C17orf99: variants seen among roughly 807,000 people sequenced by gnomAD.
C17orf99 encodes chromosome 17 open reading frame 99.
In C17orf99, 18 loss-of-function variants were observed where a neutral mutation model predicts 22.6. The ratio of observed to expected loss-of-function variants is 0.80; its 90% CI spans 0.55 to 1.18. C17orf99 has a LOEUF of 1.18. Ranked by LOEUF, C17orf99 falls within the 50% of genes most tolerant of loss-of-function variation. C17orf99 has a pLI of 0.00. For synonymous variants in C17orf99, 147 were observed against 136.6 expected (o/e 1.08, Z -0.53); for missense variants, 328 against 342.7 (o/e 0.96, Z 0.34).
chr17:78,152,900 G>A (rs2075496339), intron 2 of C17orf99, among the ~76,000 whole-genome samples: 1 of 151,826 alleles, frequency 6.6e-6, no homozygotes, highest in Non-Finnish European at 1.5e-5. Context: ...TGGCCAACAT[G>A]GTGAAACCCC....
intron 3 of C17orf99, 150 bp downstream of exon 3, chr17:78,161,404 A>G: frequency 4.3e-6 from 3 of 697,300 alleles, no homozygotes; most frequent in Non-Finnish European, 7.1e-6. Flanking sequence ...CTCCAAGGCC[A>G]TTCTCAGTCC....
chr17:78,147,623 T>C (rs989030785), intron 2 of C17orf99, among the ~76,000 whole-genome samples: 1 of 152,206 alleles, frequency 6.6e-6, no homozygotes. Flanking sequence ...GACAGTCACC[T>C]CCCTATATTG....
At position 78,161,664 on chromosome 17, in the gene C17orf99, C is replaced by T. The variant is rs143598967; in HGVS notation, c.370+410C>T. 5.1e-3 allele frequency among the ~76,000 whole-genome samples: 770 copies of T among 151,956 alleles called. 3 individuals are homozygous for T. The highest frequency in any genetic ancestry group is 0.017 in the African/African-American group (704 of 41,432). ...TTCGATACCAGCCTGGGCAACATGG[C>T]GAAACCCTGTTCCTACTAAAATTAC... On this transcript the variant is annotated intron_variant, in intron 3 of 4. Coordinates refer to ENST00000340363, the MANE Select transcript of C17orf99 (RefSeq NM_001163075.2).
intron 2 of C17orf99, among the ~76,000 whole-genome samples, chr17:78,153,067 C>T (rs781066155): frequency 1.4e-5 from 2 of 146,660 alleles, no homozygotes; most frequent in Non-Finnish European, 3.0e-5. Context: ...GGAGACAAAG[C>T]AAGAGCCTGT....
intron 2 of C17orf99, chr17:78,158,796 T>C (rs1034397609): frequency 1.2e-5 from 2 of 165,548 alleles, no homozygotes; most frequent in African/African-American, 4.8e-5. Context: ...GTTTAGTTTT[T>C]GTTTGTTTGT....
intron 2 of C17orf99, chr17:78,157,729 A>G (rs1162484170): frequency 1.3e-5 from 6 of 475,038 alleles, no homozygotes; most frequent in South Asian, 8.0e-5. Context: ...CCCGGGAGGC[A>G]GAGCTTGCGG....
At chr17:78,147,305 G>T (rs2075444499) in intron 2 of C17orf99, among the ~76,000 whole-genome samples, 1 of 152,224 alleles carries the variant, frequency 6.6e-6, no homozygotes, top group Non-Finnish European at 1.5e-5. Context: ...GAGGGCTGGG[G>T]AATTCTGGTG....
At chr17:78,164,979 G>A (rs1271732339) in intron 4 of C17orf99, 2 of 1,118,166 alleles carry the variant, frequency 1.8e-6, no homozygotes, top group Non-Finnish European at 2.2e-6. Context: ...AGCAGGGATT[G>A]CAGGGATGAT....
chr17:78,151,038 G>A (rs932414299), intron 2 of C17orf99, among the ~76,000 whole-genome samples: 4 of 151,922 alleles, frequency 2.6e-5, no homozygotes, highest in East Asian at 1.9e-4. Context: ...CAGGAGAATC[G>A]CTTGAACCCG....
At chr17:78,152,220 C>T (rs1026631812) in intron 2 of C17orf99, among the ~76,000 whole-genome samples, 1 of 152,100 alleles carries the variant, frequency 6.6e-6, no homozygotes, top group Non-Finnish European at 1.5e-5. Flanking sequence ...GCTCTGTCAC[C>T]CAGGCTGGAG....
rs1240550818 is a variant in C17orf99, at chr17:78,146,631, C to A, written c.37+187C>A. On this transcript the variant is annotated intron_variant, in intron 1 of 4. Transcript: ENST00000340363. The surrounding 1 kb of genome is among the most constrained non-coding windows in gnomAD (Gnocchi z 5.2). ...CCCCTAAACTTGCTGTATATGTGGT[C>A]CAGGGATTTCTGCACCATTCTGGGC... 1.3e-5 allele frequency among the ~76,000 whole-genome samples: 2 copies of A among 152,054 alleles called. No homozygotes were observed. The highest frequency in any genetic ancestry group is 2.9e-5 in the Non-Finnish European group (2 of 67,990).
rs61377640 is a variant in C17orf99 at position 78,166,155 on chromosome 17, CAAAA to C, written c.*128_*131del. On this transcript the variant is annotated 3_prime_UTR_variant, in exon 5 of 5. Coordinates refer to ENST00000340363, the MANE Select transcript of C17orf99 (RefSeq NM_001163075.2). ...GAGTGTGTTTTAGCTGCTCTTGCCA[CAAAA>C]AAAAAAAAAAAAAAAAAAGGGTAAC... 0.024 allele frequency: 3,527 copies of C among 144,314 alleles called. No homozygotes were observed. Among genetic ancestry groups the C allele is most frequent in the East Asian group, 0.038 (273 of 7,200 alleles). The allele number at this position is 144,314 out of a possible 1,614,324, so 8.9% of individuals were successfully genotyped here. A position where few individuals can be genotyped will look rare whatever the true frequency, so the allele number is the denominator to read the frequency against.
At chr17:78,163,621 C>T (rs768310546) in intron 3 of C17orf99, among the ~76,000 whole-genome samples, 120 of 152,296 alleles carry the variant, frequency 7.9e-4, no homozygotes, top group Non-Finnish European at 7.5e-4. Flanking sequence ...AATCCCAGCA[C>T]TTTGGGAGGC....
intron 2 of C17orf99, among the ~76,000 whole-genome samples, chr17:78,153,028 T>C (rs929863482): frequency 5.3e-5 from 8 of 151,334 alleles, no homozygotes; most frequent in Admixed American, 1.3e-4. Flanking sequence ...TTGCAGTGAA[T>C]TGAGATCGTG....
intron 2 of C17orf99, among the ~76,000 whole-genome samples, chr17:78,159,571 G>A (rs527690848): frequency 3.5e-5 from 5 of 140,978 alleles, no homozygotes. Flanking sequence ...CACGGGAGGC[G>A]ACAGTGCAAG....
chr17:78,164,185 G>A lies in C17orf99; in HGVS notation c.461G>A (p.Ser154Asn). The A allele has an allele frequency of 1.9e-6, 3 of 1,551,626 alleles. No individual in the cohort carries two copies. Among genetic ancestry groups the A allele is most frequent in the Non-Finnish European group, 2.6e-6 (3 of 1,147,002 alleles). ...ATGATCTGCCAGGCGTCCTCGGGCA[G>A]CCCACCTATCACCAACAGCCTGATC... ...VEMICQASSGSPPITNSLIGK... is the reference protein window; with the variant it reads ...VEMICQASSGNPPITNSLIGK... Residue 154 changes from serine to asparagine, a missense_variant, in exon 4 of 5, where the codon AGC becomes AAC. Coordinates refer to ENST00000340363, the MANE Select transcript of C17orf99 (RefSeq NM_001163075.2).
intron 2 of C17orf99, chr17:78,157,950 A>G (rs2075541664): frequency 1.7e-6 from 2 of 1,178,078 alleles, no homozygotes; most frequent in Non-Finnish European, 2.5e-6. Flanking sequence ...GGGAAGAAAT[A>G]TGGAGATATC....
chr17:78,164,464 AC>A (rs1436274032), intron 4 of C17orf99, 100 bp downstream of exon 4: 3 of 1,546,824 alleles, frequency 1.9e-6, no homozygotes, highest in Non-Finnish European at 2.6e-6. Context: ...GGACAGCTCT[AC>A]CCGGCCACTG....
intron 2 of C17orf99, among the ~76,000 whole-genome samples, chr17:78,159,759 A>G (rs1334026711): frequency 1.3e-5 from 2 of 151,918 alleles, no homozygotes; most frequent in Admixed American, 1.3e-4. Context: ...GTAACCACCA[A>G]TCTGCTTTCT....
Sources: allele counts gnomAD v4.1 joint callset (sites outside exome capture counted in the v4.1 genomes callset), GRCh38; gene constraint gnomAD v4.1.1; non-coding constraint Gnocchi (gnomAD v3.1); transcripts MANE v1.5; gene names NCBI Gene and HGNC (gene_info 2026-07-23, HGNC 2026-07-21).